The following SOCS5 variants were observed in gnomAD, a reference collection of about 807,000 sequenced individuals.
SOCS5 encodes suppressor of cytokine signaling 5, also known as CIS-6.
In SOCS5, 32 loss-of-function variants were observed where a neutral mutation model predicts 42.8. That is an observed-to-expected ratio of 0.75 (90% confidence interval 0.56 to 1.01). The LOEUF (loss-of-function observed/expected upper bound fraction) is 1.01. Ranked by LOEUF, SOCS5 falls within the 50% of genes least tolerant of loss-of-function variation. SOCS5 has a pLI of 0.00. For synonymous variants in SOCS5, 283 were observed against 229.6 expected, an observed-to-expected ratio of 1.23 and a Z score of -2.10; for missense variants, 627 against 653.0, an observed-to-expected ratio of 0.96 and a Z score of 0.43.
At chr2:46,730,367 G>A (rs1354757662) in intron 1 of SOCS5, among the ~76,000 whole-genome samples, 2 of 152,168 alleles carry the variant, frequency 1.3e-5, no homozygotes, top group Non-Finnish European at 2.9e-5. Context: ...TTGGGAGGCC[G>A]AGGCGGGCGG....
chr2:46,753,791 C>G (rs115677941), intron 1 of SOCS5, among the ~76,000 whole-genome samples: 1 of 152,228 alleles, frequency 6.6e-6, no homozygotes, highest in African/African-American at 2.4e-5. Context: ...GAAGGTTCCT[C>G]CCCTTTTCAG....
chr2:46,733,568 CA>C (rs1166835596), intron 1 of SOCS5, among the ~76,000 whole-genome samples: 6,642 of 58,212 alleles, frequency 0.11, 75 homozygotes, highest in Middle Eastern at 0.19. Flanking sequence ...GACCCTGTCT[CA>C]AAAAAAAAAA....
intron 1 of SOCS5, among the ~76,000 whole-genome samples, chr2:46,704,684 A>G (rs959446314): frequency 1.4e-4 from 21 of 152,332 alleles, no homozygotes; most frequent in African/African-American, 4.8e-4. Flanking sequence ...AGCAGAAAGA[A>G]TATCTTTTGT....
intron 1 of SOCS5, among the ~76,000 whole-genome samples, chr2:46,754,329 T>C (rs1673686942): frequency 6.6e-6 from 1 of 152,208 alleles, no homozygotes; most frequent in Non-Finnish European, 1.5e-5. Flanking sequence ...CTTTACAATA[T>C]TTTTTCCATT....
rs181453873 is a variant in SOCS5 at position 46,756,437 on chromosome 2, A to T, written c.-12-2082A>T. On this transcript the variant is annotated intron_variant, in intron 1 of 1. Coordinates refer to ENST00000394861, the MANE Select transcript of SOCS5 (RefSeq NM_144949.3). ...TTCGTGTGTGTATGTTTAAATGTAA[A>T]AATTTTTCTGAGCTGGGATCCCTTC... Among the ~76,000 whole-genome samples, 449 of 152,290 alleles carry T rather than the reference A, an allele frequency of 2.9e-3. 2 individuals carry two copies. Among genetic ancestry groups the T allele is most frequent in the African/African-American group, 0.01 (422 of 41,564 alleles).
chr2:46,700,175 T>C (rs1484304739), intron 1 of SOCS5, among the ~76,000 whole-genome samples: 1 of 152,148 alleles, frequency 6.6e-6, no homozygotes, highest in East Asian at 1.9e-4. Context: ...AAAAACAGTG[T>C]AAATACATCT....
chr2:46,711,088 C>G (rs991118968), intron 1 of SOCS5, among the ~76,000 whole-genome samples: 1 of 152,100 alleles, frequency 6.6e-6, no homozygotes, highest in Non-Finnish European at 1.5e-5. Context: ...CAGTTTTCAA[C>G]TGTTAATGAA....
intron 1 of SOCS5, among the ~76,000 whole-genome samples, chr2:46,755,459 T>G (rs1673712728): frequency 6.6e-6 from 1 of 152,182 alleles, no homozygotes; most frequent in Non-Finnish European, 1.5e-5. Context: ...AATTCTAATT[T>G]GTAGCTTATC....
chr2:46,757,839 A>G (rs1052972319), intron 1 of SOCS5, among the ~76,000 whole-genome samples: 1 of 152,182 alleles, frequency 6.6e-6, no homozygotes, highest in Non-Finnish European at 1.5e-5. Flanking sequence ...GCACTCCAGC[A>G]TGAACAACAG....
intron 1 of SOCS5, among the ~76,000 whole-genome samples, chr2:46,737,034 G>T (rs1572841159): frequency 6.6e-6 from 1 of 152,048 alleles, no homozygotes; most frequent in East Asian, 1.9e-4. Flanking sequence ...CTTCTTGAAA[G>T]GAAATTTAAG....
At chr2:46,706,992 A>G (rs753145557) in intron 1 of SOCS5, among the ~76,000 whole-genome samples, 5 of 152,222 alleles carry the variant, frequency 3.3e-5, no homozygotes, top group Non-Finnish European at 7.3e-5. Flanking sequence ...AAAATGCTTT[A>G]AAAATTTTTA....
At chr2:46,704,930 A>G (rs1672428284) in intron 1 of SOCS5, among the ~76,000 whole-genome samples, 1 of 152,078 alleles carries the variant, frequency 6.6e-6, no homozygotes, top group African/African-American at 2.4e-5. Context: ...CCACCTCCCA[A>G]CCACTGGGGA....
At chr2:46,706,336 A>G (rs1399845526) in intron 1 of SOCS5, among the ~76,000 whole-genome samples, 1 of 152,202 alleles carries the variant, frequency 6.6e-6, no homozygotes, top group Non-Finnish European at 1.5e-5. Flanking sequence ...TTAATCCTAG[A>G]CATTTCCCAG....
Position 46,762,707 on chromosome 2 carries a change from G to T in SOCS5, c.*2566G>T, listed in dbSNP as rs958769187. On this transcript the variant is annotated 3_prime_UTR_variant, in exon 2 of 2. Transcript: ENST00000394861. ...ACTGTGTCCTTTTCTGAATCCCATTGTAGCCTGTCAACTAAATTTGAGTGT... is the reference window on the plus strand; with the variant it reads ...ACTGTGTCCTTTTCTGAATCCCATTTTAGCCTGTCAACTAAATTTGAGTGT... 6.0e-6 allele frequency: 1 copy of T among 166,206 alleles called. No homozygotes were observed. Among genetic ancestry groups the T allele is most frequent in the Non-Finnish European group, 1.5e-5 (1 of 68,070 alleles). 10.3% of individuals were successfully genotyped at this position (166,206 alleles called of 1,614,324 possible).
chr2:46,702,528 A>G (rs993890786), intron 1 of SOCS5, among the ~76,000 whole-genome samples: 3 of 152,252 alleles, frequency 2.0e-5, no homozygotes, highest in Non-Finnish European at 2.9e-5. Context: ...CTAGAGTACT[A>G]GAGACCTGCT....
chr2:46,709,410 A>C (rs913848563), intron 1 of SOCS5, among the ~76,000 whole-genome samples: 2 of 152,222 alleles, frequency 1.3e-5, no homozygotes, highest in Non-Finnish European at 2.9e-5. Context: ...GTTAGGAGGA[A>C]GATCTTCAAG....
chr2:46,758,638 A>C lies in SOCS5; in HGVS notation c.108A>C (p.Arg36Ser). The C allele has an allele frequency of 6.2e-7, 1 of 1,614,102 alleles. No individual in the cohort carries two copies. ...RSENVDMNSNRCLSVKEKNIS... is the reference protein window; with the variant it reads ...RSENVDMNSNSCLSVKEKNIS... ...AAAATGTGGACATGAACTCCAACAG[A>C]TGTTTGTCTGTCAAAGAGAAAAACA... The change falls in exon 2 of 2, where the codon AGA becomes AGC. Residue 36 changes from arginine to serine, a missense_variant. By Grantham distance (110) the Arg-to-Ser change is moderately radical. Coordinates refer to ENST00000394861, the MANE Select transcript of SOCS5 (RefSeq NM_144949.3).
At chr2:46,725,737 G>C (rs558267014) in intron 1 of SOCS5, among the ~76,000 whole-genome samples, 1 of 152,006 alleles carries the variant, frequency 6.6e-6, no homozygotes, top group East Asian at 1.9e-4. Context: ...CTTAATTATA[G>C]ATAATACATT....
chr2:46,709,163 C>G (rs1417645675), intron 1 of SOCS5, among the ~76,000 whole-genome samples: 1 of 152,272 alleles, frequency 6.6e-6, no homozygotes, highest in Non-Finnish European at 1.5e-5. Flanking sequence ...CGATTACAGG[C>G]TTTCACCTTC....
Sources: gnomAD v4.1 joint callset for allele counts (sites outside exome capture counted in the v4.1 genomes callset) on GRCh38, gnomAD v4.1.1 for gene constraint, MANE v1.5 for transcripts, NCBI Gene and HGNC (gene_info 2026-07-23, HGNC 2026-07-21) for gene names.